SCUBE3: variants seen among roughly 807,000 people sequenced by gnomAD.
SCUBE3 encodes the protein signal peptide, CUB domain and EGF like domain containing 3.
A neutral mutation model predicts 116.8 loss-of-function variants in SCUBE3; 33 were observed. The ratio of observed to expected loss-of-function variants is 0.28; its 90% CI spans 0.21 to 0.38. The LOEUF is 0.38. Among genes scored for constraint, SCUBE3 ranks in the 10% least tolerant of loss-of-function variants. The probability of loss-of-function intolerance (pLI) is 1.00; values close to 1 mark genes in which losing one functional copy is unlikely to be tolerated. For synonymous variants in SCUBE3, 418 were observed against 496.9 expected (o/e 0.84, Z 2.11); for missense variants, 1,007 against 1,324.8 (o/e 0.76, Z 3.72).
rs1783989971 is a variant in SCUBE3 at position 35,240,519 on chromosome 6, A to T, written c.1069+29A>T. ...AGCTAGTAAGCTTGCACCCCCAGCC[A>T]CCCTGGCCCCCTCACCTCTTCACCC... On this transcript the variant is annotated intron_variant, in intron 9 of 21. Coordinates refer to ENST00000274938, the MANE Select transcript of SCUBE3 (RefSeq NM_152753.4). This position sits in a 1 kb window ranked among gnomAD's most constrained non-coding sequence, Gnocchi z 4.6. 8.2e-7 allele frequency: 1 copy of T among 1,218,150 alleles called. No homozygotes were observed. The highest frequency in any genetic ancestry group is 1.5e-5 in the African/African-American group (1 of 66,390). 75.5% of individuals were successfully genotyped at this position (1,218,150 alleles called of 1,614,324 possible).
At chr6:35,216,474 C>T (rs766991124) in intron 1 of SCUBE3, among the ~76,000 whole-genome samples, 8 of 152,188 alleles carry the variant, frequency 5.3e-5, no homozygotes, top group Non-Finnish European at 1.0e-4. Context: ...CTTTCATTGA[C>T]CCTTCTCTTC....
Position 35,245,251 on chromosome 6 carries a change from G to A in SCUBE3, c.2425G>A (p.Gly809Ser). The change falls in exon 19 of 22, where the codon GGT becomes AGT. Residue 809 changes from glycine (G) to serine (S), a missense_variant. Transcript: ENST00000274938. The surrounding 1 kb of genome is among the most constrained non-coding windows in gnomAD (Gnocchi z 4.2). ...AGATCGTCAGTGTGGTGGGGAGCTG[G>A]GTGAGTTCACTGGCTATATTGAGTC... is the stretch of plus-strand genomic sequence containing the variant. ...CKNRQCGGELGEFTGYIESPN... is the reference protein window; with the variant it reads ...CKNRQCGGELSEFTGYIESPN... The A allele has an allele frequency of 1.2e-6, 2 of 1,614,100 alleles. No individual in the cohort carries two copies. The highest frequency in any genetic ancestry group is 1.7e-6 in the Non-Finnish European group (2 of 1,180,028).
Position 35,244,375 on chromosome 6 carries a change from A to G in SCUBE3, c.2239+245A>G, listed in dbSNP as rs1162946629. Among the ~76,000 whole-genome samples, 1 of 152,066 alleles carries G rather than the reference A, an allele frequency of 6.6e-6. No homozygotes were observed. Among genetic ancestry groups the G allele is most frequent in the East Asian group, 1.9e-4 (1 of 5,190 alleles). On this transcript the variant is annotated intron_variant, in intron 17 of 21. Coordinates refer to ENST00000274938, the MANE Select transcript of SCUBE3 (RefSeq NM_152753.4). The surrounding 1 kb of genome is among the most constrained non-coding windows in gnomAD (Gnocchi z 4.3). ...CTCCACTTTGGAGAACTGGTGGCAT[A>G]TTCTCCTCCATATCCCAAATGAGTT...
intron 21 of SCUBE3, among the ~76,000 whole-genome samples, chr6:35,247,472 T>G (rs1228677146): frequency 6.7e-6 from 1 of 149,300 alleles, no homozygotes; most frequent in Non-Finnish European, 1.5e-5. Flanking sequence ...ATAGTCGTAG[T>G]CATAGAATTA....
At chr6:35,220,773 G>A (rs941609916) in intron 1 of SCUBE3, 1 of 152,204 alleles carries the variant, frequency 6.6e-6, no homozygotes, top group Middle Eastern at 3.2e-3. Flanking sequence ...AGAGGATACT[G>A]TTTTTAAAAG....
chr6:35,226,480 C>CTTTTTTTT lies in SCUBE3; in HGVS notation c.86-1085_86-1078dup, dbSNP rs764779695. Among the ~76,000 whole-genome samples the CTTTTTTTT allele has an allele frequency of 4.6e-4, 39 of 85,226 alleles. 3 individuals are homozygous for CTTTTTTTT. The highest frequency in any genetic ancestry group is 5.4e-4 in the Admixed American group (3 of 5,562). The allele number at this position is 85,226 out of a possible 152,430, so 55.9% of individuals were successfully genotyped here. On this transcript the variant is annotated intron_variant, in intron 1 of 21. Transcript: ENST00000274938. ...CAGAAGTTGGACTCTTTTCTATGTCCTTTTTTTTTTTTTTTTTTTTTTGAG... is the reference window on the plus strand; with the variant it reads ...CAGAAGTTGGACTCTTTTCTATGTCCTTTTTTTTTTTTTTTTTTTTTTTTTTTTTTGAG...
chr6:35,227,759 C>G (rs1373443527), intron 2 of SCUBE3, 57 bp downstream of exon 2: 126 of 1,588,778 alleles, frequency 7.9e-5, no homozygotes, highest in Non-Finnish European at 1.1e-4. Flanking sequence ...CAAACCAGTG[C>G]CACTGCCCTC....
In SCUBE3 at chr6:35,245,097, T is replaced by C. The variant is rs1040402392; in HGVS notation, c.2402-131T>C. On this transcript the variant is annotated intron_variant, in intron 18 of 21. Transcript: ENST00000274938. The surrounding 1 kb of genome is among the most constrained non-coding windows in gnomAD (Gnocchi z 4.2). ...GAAGATGGACTCAGAGCTTGGAAAA[T>C]AATGATGAACTAGAACGCAGACTTC... 1.2e-6 allele frequency: 1 copy of C among 851,490 alleles called. No individual in the cohort carries two copies. The highest frequency in any genetic ancestry group is 1.7e-5 in the African/African-American group (1 of 59,598). The allele number at this position is 851,490 out of a possible 1,614,324, so 52.7% of individuals were successfully genotyped here. A position where few individuals can be genotyped will look rare whatever the true frequency, so the allele number is the denominator to read the frequency against.
At chr6:35,242,131 C>T in intron 12 of SCUBE3, 73 bp from the exon 13 acceptor site, 1 of 1,138,074 alleles carries the variant, frequency 8.8e-7, no homozygotes. Context: ...TACCCAGCTT[C>T]TCAACAACCC....
chr6:35,221,107 G>C (rs139008562), intron 1 of SCUBE3: 2 of 152,340 alleles, frequency 1.3e-5, no homozygotes, highest in East Asian at 3.9e-4. Context: ...TTAGAGGTGA[G>C]AATGAGGGAA....
chr6:35,214,157 C>G lies in SCUBE3; in HGVS notation c.-262C>G, dbSNP rs1323551866. ...CCGGCTTGGAGAGGGCGGGGGTTCCCCTCCGTCAGTCGCCCCTGGCGCCCC... is the reference window on the plus strand; with the variant it reads ...CCGGCTTGGAGAGGGCGGGGGTTCCGCTCCGTCAGTCGCCCCTGGCGCCCC... On this transcript the variant is annotated 5_prime_UTR_variant, in exon 1 of 22. Transcript: ENST00000274938. The surrounding 1 kb of genome is among the most constrained non-coding windows in gnomAD (Gnocchi z 6.3). Among the ~76,000 whole-genome samples, 1 of 152,156 alleles carries G rather than the reference C, an allele frequency of 6.6e-6. No homozygotes were observed. Among genetic ancestry groups the G allele is most frequent in the Non-Finnish European group, 1.5e-5 (1 of 68,000 alleles).
Position 35,243,030 on chromosome 6 carries a change from G to T in SCUBE3, c.1703G>T (p.Gly568Val). ...VRAEETTASC[G>V]LPCLRQRMER... ...GGCCATCCACCACCAGCCAGCTGTG[G>T]GCTGCCCTGCCTCCGACAGCGAATG... is the stretch of plus-strand genomic sequence containing the variant. Residue 568 changes from glycine to valine, a missense_variant, in exon 15 of 22, where the codon GGG (glycine) becomes GTG (valine). Around this residue, in one of 5 missense-constraint regions of SCUBE3, gnomAD observed 544 missense variants for 638.9 expected, o/e 0.85. Coordinates refer to ENST00000274938, the MANE Select transcript of SCUBE3 (RefSeq NM_152753.4). This position sits in a 1 kb window ranked among gnomAD's most constrained non-coding sequence, Gnocchi z 6.6. 1 of 1,614,036 alleles carries T rather than the reference G, an allele frequency of 6.2e-7. No individual in the cohort carries two copies.
In SCUBE3 at chr6:35,228,657, T is replaced by C. The variant is rs755485261; in HGVS notation, c.252T>C (p.His84=). 2.2e-5 allele frequency: 36 copies of C among 1,613,956 alleles called. No homozygotes were observed. In the South Asian group the frequency reaches 3.8e-4, roughly 17 times the overall value. Residue 84 remains histidine, a synonymous_variant, in exon 3 of 22, where the codon CAT becomes CAC. Transcript: ENST00000274938. The surrounding 1 kb of genome is among the most constrained non-coding windows in gnomAD (Gnocchi z 4.9). Reference sequence around the variant, plus strand: ...GAGAGGATAATGCAGGTTGTGTGCATGACTGTGTCAACATCCCTGGCAATT... The same window carrying C: ...GAGAGGATAATGCAGGTTGTGTGCACGACTGTGTCAACATCCCTGGCAATT... ...CEREDNAGCV[H]DCVNIPGNYR...
Position 35,245,557 on chromosome 6 carries a change from G to A in SCUBE3, c.2599+132G>A. Reference sequence around the variant, plus strand: ...GATCTATGAGGGTGAAATAGTGAGAGGCCTTTAGGAAGAGAGAAGCTAACA... The same window carrying A: ...GATCTATGAGGGTGAAATAGTGAGAAGCCTTTAGGAAGAGAGAAGCTAACA... On this transcript the variant is annotated intron_variant, in intron 19 of 21. Coordinates refer to ENST00000274938, the MANE Select transcript of SCUBE3 (RefSeq NM_152753.4). The surrounding 1 kb of genome is among the most constrained non-coding windows in gnomAD (Gnocchi z 4.2). 1.4e-6 allele frequency: 1 copy of A among 717,590 alleles called. No homozygotes were observed. 44.5% of individuals were successfully genotyped at this position (717,590 alleles called of 1,614,324 possible).
In SCUBE3 at chr6:35,241,710, C is replaced by A. The variant is rs757436271; in HGVS notation, c.1312+51C>A. 7 of 1,519,456 alleles carry A rather than the reference C, an allele frequency of 4.6e-6. No individual in the cohort carries two copies. The highest frequency in any genetic ancestry group is 6.4e-6 in the Non-Finnish European group (7 of 1,093,722). 94.1% of individuals were successfully genotyped at this position (1,519,456 alleles called of 1,614,324 possible). ...GCTTTGGAGGAGAAAAGAGGAAGGACTGGCCGTTCAGGCAGCTCCTTCATT... is the reference window on the plus strand; with the variant it reads ...GCTTTGGAGGAGAAAAGAGGAAGGAATGGCCGTTCAGGCAGCTCCTTCATT... On this transcript the variant is annotated intron_variant, in intron 11 of 21. Transcript: ENST00000274938. The surrounding 1 kb of genome is among the most constrained non-coding windows in gnomAD (Gnocchi z 4.1).
intron 1 of SCUBE3, chr6:35,220,881 T>G (rs1289331138): frequency 6.6e-6 from 1 of 152,248 alleles, no homozygotes; most frequent in Admixed American, 6.5e-5. Context: ...ATAAGCTTTT[T>G]CTAGACTGAG....
At position 35,242,703 on chromosome 6, in the gene SCUBE3, C is replaced by G; in HGVS notation, c.1616C>G (p.Ala539Gly). Residue 539 changes from alanine to glycine, a missense_variant, in exon 14 of 22, where the codon GCC (alanine) becomes GGC (glycine). By Grantham distance (60) the Ala-to-Gly change is moderately conservative. Coordinates refer to ENST00000274938, the MANE Select transcript of SCUBE3 (RefSeq NM_152753.4). Reference protein sequence around the residue: ...DSSRKGKGRRARTPPGKEVTR... With the variant: ...DSSRKGKGRRGRTPPGKEVTR... ...TCTCGGAAGGGCAAGGGCCGACGGGCCCGGACCCCTCCAGGCAAAGAGGTC... is the reference window on the plus strand; with the variant it reads ...TCTCGGAAGGGCAAGGGCCGACGGGGCCGGACCCCTCCAGGCAAAGAGGTC... 6.2e-7 allele frequency: 1 copy of G among 1,614,148 alleles called. No individual in the cohort carries two copies. Among genetic ancestry groups the G allele is most frequent in the Non-Finnish European group, 8.5e-7 (1 of 1,179,970 alleles).
rs758721187 is a variant in SCUBE3, at chr6:35,248,582, T to G, written c.2859T>G (p.Phe953Leu). ...LKDKKLIKAF[F>L]EVLAHPQNYF... ...ACAAGAAGCTCATCAAGGCCTTCTT[T>G]GAGGTGCTAGCCCACCCCCAGAACT... The change falls in exon 22 of 22, where the codon TTT (phenylalanine) becomes TTG (leucine). Residue 953 changes from phenylalanine to leucine, a missense_variant. Transcript: ENST00000274938. 2.5e-5 allele frequency: 41 copies of G among 1,614,018 alleles called. No homozygotes were observed. The highest frequency in any genetic ancestry group is 3.4e-5 in the Non-Finnish European group (40 of 1,180,020).
rs1562055249 is a variant in SCUBE3 at position 35,241,131 on chromosome 6, C to T, written c.1070-10C>T. ...TCGTTGTTTTTCTGTCTCCCTACTC[C>T]TTCCCCCAGATGTGGATGAATGCAG... On this transcript the variant is annotated splice_polypyrimidine_tract_variant and intron_variant, in intron 9 of 21. Coordinates refer to ENST00000274938, the MANE Select transcript of SCUBE3 (RefSeq NM_152753.4). The surrounding 1 kb of genome is among the most constrained non-coding windows in gnomAD (Gnocchi z 4.1). The T allele has an allele frequency of 6.3e-7, 1 of 1,584,072 alleles. No individual in the cohort carries two copies. Among genetic ancestry groups the T allele is most frequent in the Admixed American group, 1.7e-5 (1 of 58,564 alleles).
Sources: allele counts gnomAD v4.1 joint callset (sites outside exome capture counted in the v4.1 genomes callset), GRCh38; gene constraint gnomAD v4.1.1; regional missense constraint gnomAD v4.1.1; non-coding constraint Gnocchi (gnomAD v3.1); transcripts MANE v1.5; gene names NCBI Gene and HGNC (gene_info 2026-07-23, HGNC 2026-07-21).